DCLRE1C: variants seen among roughly 807,000 people sequenced by gnomAD.
DCLRE1C encodes the protein DNA cross-link repair 1C.
In DCLRE1C, 47 loss-of-function variants were observed where a neutral mutation model predicts 61.4. The ratio of observed to expected loss-of-function variants is 0.77; its 90% CI spans 0.61 to 0.98. The LOEUF is 0.98. Among genes scored for constraint, DCLRE1C ranks in the 50% least tolerant of loss-of-function variants. The pLI is 0.00. For synonymous variants in DCLRE1C, 337 were observed against 287.6 expected (o/e 1.17, Z -1.74); for missense variants, 858 against 816.0 (o/e 1.05, Z -0.63).
intron 13 of DCLRE1C, among the ~76,000 whole-genome samples, chr10:14,915,958 A>C (rs1440996528): frequency 1.3e-5 from 2 of 152,208 alleles, no homozygotes; most frequent in Admixed American, 6.5e-5. Context: ...ACACTCAAAA[A>C]TCAGTGTATG....
rs764814567 is a variant in DCLRE1C at position 14,954,088 on chromosome 10, C to CG, written c.-79dup. On this transcript the variant is annotated 5_prime_UTR_variant, in exon 1 of 14. Transcript: ENST00000378278. The stretch of plus-strand genomic sequence containing the variant: ...CCAGCCCTGACCGCGCCGCCACTTC[C>CG]GGGAAGCCGCGCGCTGCCTCGCCAT... 3.7e-5 allele frequency: 59 copies of CG among 1,600,474 alleles called. No homozygotes were observed. Among genetic ancestry groups the CG allele is most frequent in the Non-Finnish European group, 4.2e-5 (49 of 1,176,184 alleles).
intron 4 of DCLRE1C, among the ~76,000 whole-genome samples, chr10:14,938,872 C>A (rs1472540190): frequency 1.3e-5 from 2 of 151,380 alleles, no homozygotes; most frequent in African/African-American, 4.9e-5. Flanking sequence ...TAATAAGGAA[C>A]AAATGTGACA....
intron 13 of DCLRE1C, among the ~76,000 whole-genome samples, chr10:14,918,304 A>C (rs899902576): frequency 4.6e-5 from 7 of 152,246 alleles, no homozygotes; most frequent in African/African-American, 1.7e-4. Context: ...TTATCAATAA[A>C]AGAGGGTGAA....
At chr10:14,933,065 C>A in intron 8 of DCLRE1C, 110 bp from the exon 9 acceptor site, 2 of 1,259,994 alleles carry the variant, frequency 1.6e-6, no homozygotes, top group Non-Finnish European at 1.1e-6. Flanking sequence ...ACCCTCTCTT[C>A]TTTCTTGAAA....
intron 2 of DCLRE1C, chr10:14,947,544 T>G (rs1841883163): frequency 6.6e-6 from 1 of 152,310 alleles, no homozygotes; most frequent in Non-Finnish European, 1.5e-5. Context: ...ATCCTGGTCC[T>G]GCCACTTACT....
chr10:14,924,784 T>G (rs980706007), intron 11 of DCLRE1C, among the ~76,000 whole-genome samples: 1 of 151,486 alleles, frequency 6.6e-6, no homozygotes, highest in Non-Finnish European at 1.5e-5. Context: ...GAGGCGGAGG[T>G]TGCAGTGAGC....
At chr10:14,909,353 T>A (rs1339949000) in intron 13 of DCLRE1C, 23 bp from the exon 14 acceptor site, 1 of 1,609,304 alleles carries the variant, frequency 6.2e-7, no homozygotes. Context: ...CAAAACAGGT[T>A]TATAGGAAAC....
intron 13 of DCLRE1C, 47 bp from the exon 14 acceptor site, chr10:14,909,377 C>T: frequency 6.5e-7 from 1 of 1,548,250 alleles, no homozygotes; most frequent in Non-Finnish European, 8.8e-7. Flanking sequence ...GCAAAGGGAG[C>T]CAATTTGTAG....
At chr10:14,927,842 G>A (rs1023246201) in intron 10 of DCLRE1C, among the ~76,000 whole-genome samples, 174 bp downstream of exon 10, 5 of 152,142 alleles carry the variant, frequency 3.3e-5, no homozygotes, top group Non-Finnish European at 4.4e-5. Context: ...GCTGATGGGA[G>A]TGTAACTGGT....
chr10:14,936,004 G>A (rs1839846925), intron 5 of DCLRE1C, among the ~76,000 whole-genome samples: 2 of 152,118 alleles, frequency 1.3e-5, no homozygotes, highest in Non-Finnish European at 1.5e-5. Flanking sequence ...CACCTTCTGG[G>A]ATCAAGCAAT....
chr10:14,898,001 A>G (rs1833708049), exon 14 of DCLRE1C: 1 of 151,868 alleles, frequency 6.6e-6, no homozygotes, highest in African/African-American at 2.4e-5. Flanking sequence ...TGCATCCATA[A>G]TCTGTAACTT....
chr10:14,933,119 T>C (rs1348478873), intron 8 of DCLRE1C, among the ~76,000 whole-genome samples, 164 bp from the exon 9 acceptor site: 1 of 152,236 alleles, frequency 6.6e-6, no homozygotes, highest in African/African-American at 2.4e-5. Flanking sequence ...TCCGCCAGCA[T>C]GTCAACAGGC....
At chr10:14,933,424 G>T (rs938603526) in intron 8 of DCLRE1C, among the ~76,000 whole-genome samples, 3 of 152,138 alleles carry the variant, frequency 2.0e-5, no homozygotes, top group African/African-American at 7.2e-5. Context: ...ATCACTTGAG[G>T]TCAGGAGATC....
intron 9 of DCLRE1C, among the ~76,000 whole-genome samples, chr10:14,930,903 A>T (rs1411825537): frequency 6.6e-6 from 1 of 152,200 alleles, no homozygotes; most frequent in East Asian, 1.9e-4. Context: ...AATAATTTAC[A>T]CTGCAGCTCT....
rs1364053998 is a variant in DCLRE1C, at chr10:14,907,142, G to A, written c.*1266C>T. On this transcript the variant is annotated 3_prime_UTR_variant, in exon 14 of 14. Coordinates refer to ENST00000378278, the MANE Select transcript of DCLRE1C (RefSeq NM_001033855.3). ...TGGGATTGCAGGCAGGAGTTACTGT[G>A]CCTGGCCACCATTTAATTCTTGAGC... Among the ~76,000 whole-genome samples the A allele has an allele frequency of 6.6e-6, 1 of 151,954 alleles. No homozygotes were observed. The highest frequency in any genetic ancestry group is 1.5e-5 in the Non-Finnish European group (1 of 67,998).
intron 13 of DCLRE1C, chr10:14,899,355 T>C (rs1003623856): frequency 1.7e-5 from 12 of 703,128 alleles, no homozygotes; most frequent in Non-Finnish European, 2.7e-5. Context: ...CATTATCATT[T>C]TTCTTCCCCT....
At chr10:14,901,699 C>T (rs908713321), downstream of DCLRE1C, among the ~76,000 whole-genome samples, 1 of 151,878 alleles carries the variant, frequency 6.6e-6, no homozygotes, top group Non-Finnish European at 1.5e-5. Context: ...GGCGTGGTGG[C>T]GTGTGCCTGT....
intron 4 of DCLRE1C, among the ~76,000 whole-genome samples, chr10:14,938,442 TTCA>T (rs1163288744): frequency 2.0e-5 from 3 of 152,286 alleles, no homozygotes; most frequent in East Asian, 1.9e-4. Context: ...CTGTCTGATC[TTCA>T]CCAAAGAAGA....
At position 14,926,945 on chromosome 10, in the gene DCLRE1C, A is replaced by G. The variant is rs187113889; in HGVS notation, c.918-48T>C. On this transcript the variant is annotated intron_variant, in intron 10 of 13. Transcript: ENST00000378278. The stretch of plus-strand genomic sequence containing the variant: ...AATAAAAAGATCACTGAGCAAAACT[A>G]AAACTAAGCAAAGCTGGCCCTTCTC... The G allele has an allele frequency of 2.4e-5, 36 of 1,513,762 alleles. No homozygotes were observed. The African/African-American group carries it at 3.7e-4, about 16-fold the overall frequency. The allele number at this position is 1,513,762 out of a possible 1,614,324, so 93.8% of individuals were successfully genotyped here. A position where few individuals can be genotyped will look rare whatever the true frequency, so the allele number is the denominator to read the frequency against.
Sources: allele counts gnomAD v4.1 joint callset (sites outside exome capture counted in the v4.1 genomes callset), GRCh38; gene constraint gnomAD v4.1.1; transcripts MANE v1.5; gene names NCBI Gene and HGNC (gene_info 2026-07-23, HGNC 2026-07-21).